The following SLC35F6 variants were observed in gnomAD, a reference collection of about 807,000 sequenced individuals.
SLC35F6 encodes the protein ANT2-binding protein.
In SLC35F6, 26 loss-of-function variants were observed where a neutral mutation model predicts 29.4. That is an observed-to-expected ratio of 0.89 (90% CI 0.65 to 1.23). SLC35F6 has a LOEUF of 1.23. Among genes scored for constraint, SLC35F6 ranks in the 50% most tolerant of loss-of-function variants. SLC35F6 has a pLI of 0.00. For missense variants in SLC35F6, 428 were observed against 487.8 expected (o/e 0.88, Z 1.15); for synonymous variants, 174 against 206.6 (o/e 0.84, Z 1.35).
Position 26,775,759 on chromosome 2 carries a change from G to A in SLC35F6, c.535+83G>A. ...CCCAGCACAGACTCATACAAGCTCT[G>A]CCATGTGCCATATACCAAGCCCTGG... On this transcript the variant is annotated intron_variant, in intron 4 of 5. Coordinates refer to ENST00000344420, the MANE Select transcript of SLC35F6 (RefSeq NM_017877.4). The surrounding 1 kb of genome is among the most constrained non-coding windows in gnomAD (Gnocchi z 4.6). 4.2e-6 allele frequency: 6 copies of A among 1,414,850 alleles called. No homozygotes were observed. In the South Asian group the frequency reaches 7.0e-5, roughly 16 times the overall value. The allele number at this position is 1,414,850 out of a possible 1,614,324, so 87.6% of individuals were successfully genotyped here.
chr2:26,768,321 G>A (rs1364808345), intron 1 of SLC35F6, among the ~76,000 whole-genome samples: 7 of 151,680 alleles, frequency 4.6e-5, no homozygotes, highest in South Asian at 2.1e-4. Flanking sequence ...GATCCCTGCC[G>A]TACCTTCTTC....
At chr2:26,774,996 C>T (rs955642914) in intron 2 of SLC35F6, 48 bp from the exon 3 acceptor site, 1 of 1,554,586 alleles carries the variant, frequency 6.4e-7, no homozygotes, top group East Asian at 2.3e-5. Context: ...AAAGATGATC[C>T]CCGAGATCCC....
chr2:26,774,237 T>G lies in SLC35F6; in HGVS notation c.78-14T>G, dbSNP rs776295893. 6.2e-6 allele frequency: 10 copies of G among 1,613,828 alleles called. No homozygotes were observed. The South Asian group carries it at 1.1e-4, about 18-fold the overall frequency. On this transcript the variant is annotated splice_polypyrimidine_tract_variant and intron_variant, in intron 1 of 5. Coordinates refer to ENST00000344420, the MANE Select transcript of SLC35F6 (RefSeq NM_017877.4). ...GATGCTGACAGGGTCTGACCTTCCC[T>G]CTCTCTCCTACAGATGGGCGGACAA...
At chr2:26,776,313 C>G in intron 4 of SLC35F6, 59 bp from the exon 5 acceptor site, 1 of 1,524,532 alleles carries the variant, frequency 6.6e-7, no homozygotes, top group African/African-American at 1.4e-5. Flanking sequence ...TGGCCATGCT[C>G]TCCTGGCCCC....
In SLC35F6 at chr2:26,778,207, G is replaced by C; in HGVS notation, c.812G>C (p.Ser271Thr). The C allele has an allele frequency of 6.2e-7, 1 of 1,614,176 alleles. No individual in the cohort carries two copies. The highest frequency in any genetic ancestry group is 8.5e-7 in the Non-Finnish European group (1 of 1,180,036). Residue 271 changes from serine to threonine, a missense_variant, in exon 6 of 6, where the codon AGC (serine) becomes ACC (threonine). Coordinates refer to ENST00000344420, the MANE Select transcript of SLC35F6 (RefSeq NM_017877.4). ...GCCGTGGCACTGCTGGGCAACATCAGCAGCATTGCCTTCTTCAACTTCGCA... is the reference window on the plus strand; with the variant it reads ...GCCGTGGCACTGCTGGGCAACATCACCAGCATTGCCTTCTTCAACTTCGCA... The part of the protein sequence containing the change: ...LIAVALLGNI[S>T]SIAFFNFAGI...
chr2:26,765,751 A>G (rs544154412), intron 1 of SLC35F6, among the ~76,000 whole-genome samples: 47 of 152,328 alleles, frequency 3.1e-4, no homozygotes, highest in Non-Finnish European at 6.2e-4. Flanking sequence ...GTGGAGAACT[A>G]CTAGCTTCCC....
At chr2:26,766,999 C>T (rs1018193628) in intron 1 of SLC35F6, among the ~76,000 whole-genome samples, 2 of 152,150 alleles carry the variant, frequency 1.3e-5, no homozygotes, top group African/African-American at 4.8e-5. Context: ...AGAAATCATC[C>T]AGTCTAATCC....
intron 1 of SLC35F6, among the ~76,000 whole-genome samples, chr2:26,769,225 C>G (rs1664150102): frequency 6.6e-6 from 1 of 152,234 alleles, no homozygotes; most frequent in South Asian, 2.1e-4. Context: ...GTGCACACCT[C>G]CCAGAATGCT....
intron 1 of SLC35F6, among the ~76,000 whole-genome samples, chr2:26,770,886 G>A (rs1348334006): frequency 6.6e-6 from 1 of 152,202 alleles, no homozygotes; most frequent in African/African-American, 2.4e-5. Flanking sequence ...TTCTGCGCCA[G>A]GAGTCGAAAC....
rs1558294673 is a variant in SLC35F6 at position 26,778,024 on chromosome 2, G to C, written c.647-18G>C. 1 of 1,598,142 alleles carries C rather than the reference G, an allele frequency of 6.3e-7. No individual in the cohort carries two copies. Among genetic ancestry groups the C allele is most frequent in the Non-Finnish European group, 8.6e-7 (1 of 1,169,582 alleles). Reference sequence around the variant, plus strand: ...CTGGGGGAAGGTGGAGAGTGTAACTGTTTCCTCTACTCCCCAGGCCTCTTT... The same window carrying C: ...CTGGGGGAAGGTGGAGAGTGTAACTCTTTCCTCTACTCCCCAGGCCTCTTT... On this transcript the variant is annotated intron_variant, in intron 5 of 5. Transcript: ENST00000344420.
chr2:26,776,324 C>T (rs1399881420), intron 4 of SLC35F6, 48 bp from the exon 5 acceptor site: 1 of 1,578,148 alleles, frequency 6.3e-7, no homozygotes, highest in Non-Finnish European at 8.7e-7. Flanking sequence ...TCCTGGCCCC[C>T]AGCCCCAGTG....
chr2:26,772,048 C>T (rs1230393571), intron 1 of SLC35F6, among the ~76,000 whole-genome samples: 1 of 152,222 alleles, frequency 6.6e-6, no homozygotes, highest in Non-Finnish European at 1.5e-5. Context: ...CCAAGAACCA[C>T]AAGGAATCTT....
Position 26,778,220 on chromosome 2 carries a change from C to A in SLC35F6, c.825C>A (p.Phe275Leu). ...ALLGNISSIA[F>L]FNFAGISVTK... ...TGGGCAACATCAGCAGCATTGCCTTCTTCAACTTCGCAGGCATCAGCGTCA... is the reference window on the plus strand; with the variant it reads ...TGGGCAACATCAGCAGCATTGCCTTATTCAACTTCGCAGGCATCAGCGTCA... Residue 275 changes from phenylalanine to leucine, a missense_variant, in exon 6 of 6, where the codon TTC becomes TTA. Physicochemically the swap from Phe to Leu is conservative, Grantham distance 22. Coordinates refer to ENST00000344420, the MANE Select transcript of SLC35F6 (RefSeq NM_017877.4). The A allele has an allele frequency of 6.2e-7, 1 of 1,614,218 alleles. No individual in the cohort carries two copies. Among genetic ancestry groups the A allele is most frequent in the Non-Finnish European group, 8.5e-7 (1 of 1,180,038 alleles).
intron 5 of SLC35F6, among the ~76,000 whole-genome samples, chr2:26,777,557 CA>C: frequency 6.6e-6 from 1 of 152,212 alleles, no homozygotes; most frequent in Non-Finnish European, 1.5e-5. Context: ...ATGAGTGAAG[CA>C]GTGCATGGAC....
chr2:26,775,136 C>T lies in SLC35F6; in HGVS notation c.243C>T (p.Asp81=), dbSNP rs903795801. ...RAAGQSDSSV[D]PQQPFNPLLF... ...CAGGGCAATCAGACTCCAGCGTAGA[C>T]CCCCAGCAGCCCTTCAACCCTCTTC... The change falls in exon 3 of 6, where the codon GAC becomes GAT. Residue 81 remains aspartate (D), a synonymous_variant. Transcript: ENST00000344420. This position sits in a 1 kb window ranked among gnomAD's most constrained non-coding sequence, Gnocchi z 4.6. 6.2e-7 allele frequency: 1 copy of T among 1,614,134 alleles called. No homozygotes were observed. Among genetic ancestry groups the T allele is most frequent in the African/African-American group, 1.3e-5 (1 of 75,044 alleles).
intron 1 of SLC35F6, among the ~76,000 whole-genome samples, chr2:26,770,209 A>G (rs1331208296): frequency 6.6e-6 from 1 of 152,156 alleles, no homozygotes; most frequent in Non-Finnish European, 1.5e-5. Flanking sequence ...GTTCGAGACT[A>G]GCCTGGGCAG....
chr2:26,772,283 G>A (rs1326951150), intron 1 of SLC35F6, among the ~76,000 whole-genome samples: 1 of 152,190 alleles, frequency 6.6e-6, no homozygotes, highest in East Asian at 1.9e-4. Flanking sequence ...CGCCCTTTGG[G>A]AGCTGAGGCT....
At position 26,774,305 on chromosome 2, in the gene SLC35F6, C is replaced by G; in HGVS notation, c.132C>G (p.Phe44Leu). ...EGCGGSKEHS[F>L]QHPFLQAVGM... ...GTGGAGGGAGCAAGGAGCACAGCTT[C>G]CAGCATCCCTTCCTCCAGGTATCTG... Residue 44 changes from phenylalanine (F) to leucine (L), a missense_variant, in exon 2 of 6, where the codon TTC (phenylalanine) becomes TTG (leucine). By Grantham distance (22) the Phe-to-Leu change is conservative (BLOSUM62 0). Transcript: ENST00000344420. The G allele has an allele frequency of 2.5e-6, 4 of 1,614,120 alleles. No individual in the cohort carries two copies. The highest frequency in any genetic ancestry group is 2.5e-6 in the Non-Finnish European group (3 of 1,179,988).
intron 1 of SLC35F6, among the ~76,000 whole-genome samples, chr2:26,765,518 C>T (rs1032476349): frequency 6.6e-6 from 1 of 152,172 alleles, no homozygotes; most frequent in African/African-American, 2.4e-5. Context: ...TGCAATGGCA[C>T]GATCCCATGT....
Sources: allele counts gnomAD v4.1 joint callset (sites outside exome capture counted in the v4.1 genomes callset), GRCh38; gene constraint gnomAD v4.1.1; non-coding constraint Gnocchi (gnomAD v3.1); transcripts MANE v1.5; gene names NCBI Gene and HGNC (gene_info 2026-07-23, HGNC 2026-07-21).